Variants in ATXN1 observed in about 807,000 individuals in gnomAD.
The protein encoded by ATXN1 is ataxin 1.
A neutral mutation model predicts 56.4 loss-of-function variants in ATXN1; 8 were observed. That is an observed-to-expected ratio of 0.14 (90% CI 0.08 to 0.26). ATXN1 has a LOEUF of 0.26. Among genes scored for constraint, ATXN1 ranks in the 10% least tolerant of loss-of-function variants. The pLI is 1.00. For synonymous variants in ATXN1, 514 were observed against 494.6 expected, an observed-to-expected ratio of 1.04 and a Z score of -0.52; for missense variants, 987 against 1,106.5, an observed-to-expected ratio of 0.89 and a Z score of 1.53.
At chr6:16,395,827 C>A (rs1758444412) in intron 6 of ATXN1, among the ~76,000 whole-genome samples, 1 of 151,732 alleles carries the variant, frequency 6.6e-6, no homozygotes, top group Admixed American at 6.6e-5. Context: ...ACCATCCTGG[C>A]CAACATGGTG....
At chr6:16,324,182 CTGTAA>C (rs1326676366) in intron 7 of ATXN1, among the ~76,000 whole-genome samples, 1 of 152,148 alleles carries the variant, frequency 6.6e-6, no homozygotes, top group Non-Finnish European at 1.5e-5. Flanking sequence ...GGACTCGTGT[CTGTAA>C]TCTCAGGGCT....
intron 7 of ATXN1, among the ~76,000 whole-genome samples, chr6:16,308,471 G>C (rs1364063637): frequency 1.3e-5 from 2 of 152,194 alleles, no homozygotes; most frequent in Admixed American, 1.3e-4. Context: ...AAGTGGAGCA[G>C]TTGGGAAACC....
intron 5 of ATXN1, among the ~76,000 whole-genome samples, chr6:16,492,149 A>G (rs1760678309): frequency 6.6e-6 from 1 of 152,110 alleles, no homozygotes; most frequent in Admixed American, 6.5e-5. Flanking sequence ...AATTCAACTA[A>G]GCCATGCCTG....
chr6:16,532,311 C>T (rs748646994), intron 4 of ATXN1, among the ~76,000 whole-genome samples: 1 of 152,188 alleles, frequency 6.6e-6, no homozygotes, highest in Non-Finnish European at 1.5e-5. Context: ...TCTGCAGCAT[C>T]CACCACTGAA....
rs1354051414 is a variant in ATXN1 at position 16,306,582 on chromosome 6, T to C, written c.2195A>G (p.Gln732Arg). 4 of 1,614,218 alleles carry C rather than the reference T, an allele frequency of 2.5e-6. No individual in the cohort carries two copies. The change falls in exon 8 of 8, where the codon CAG becomes CGG. Residue 732 changes from glutamine (Q) to arginine (R), a missense_variant. By Grantham distance (43) the Gln-to-Arg change is conservative. Coordinates refer to ENST00000436367, the MANE Select transcript of ATXN1 (RefSeq NM_001128164.2). This position sits in a 1 kb window ranked among gnomAD's most constrained non-coding sequence, Gnocchi z 5.2. ...CTCAGAGAGCATCTGGGCACTCCCC[T>C]GGTTGATTCCGTTTTCCTGCTCGGC... Reference protein sequence around the residue: ...RYAEQENGINQGSAQMLSENG... With the variant: ...RYAEQENGINRGSAQMLSENG...
intron 2 of ATXN1, among the ~76,000 whole-genome samples, chr6:16,686,399 T>C (rs1346166883): frequency 1.3e-5 from 2 of 152,176 alleles, no homozygotes; most frequent in African/African-American, 4.8e-5. Context: ...CTGTCCTAAT[T>C]AAGACCAATA....
chr6:16,557,153 C>T (rs1581842629), intron 4 of ATXN1, among the ~76,000 whole-genome samples: 1 of 151,698 alleles, frequency 6.6e-6, no homozygotes, highest in Admixed American at 6.6e-5. Context: ...GGTAAAACGC[C>T]GTCTCTACTA....
chr6:16,380,068 G>T (rs917228589), intron 6 of ATXN1, among the ~76,000 whole-genome samples: 5 of 152,206 alleles, frequency 3.3e-5, no homozygotes, highest in African/African-American at 4.8e-5. Flanking sequence ...CAACATGCCA[G>T]CGGGTACTTC....
chr6:16,599,943 G>A (rs1449677343), intron 3 of ATXN1, among the ~76,000 whole-genome samples: 1 of 152,182 alleles, frequency 6.6e-6, no homozygotes, highest in Non-Finnish European at 1.5e-5. Flanking sequence ...TGTTATGAGA[G>A]TGTTTCACTT....
chr6:16,688,316 C>A (rs1208365635), intron 2 of ATXN1, among the ~76,000 whole-genome samples: 5 of 152,178 alleles, frequency 3.3e-5, no homozygotes, highest in Admixed American at 1.3e-4. Context: ...ATTGAGAAAA[C>A]ACACTTGATA....
At chr6:16,436,399 G>T (rs1051388248) in intron 6 of ATXN1, among the ~76,000 whole-genome samples, 5 of 152,126 alleles carry the variant, frequency 3.3e-5, no homozygotes, top group African/African-American at 9.7e-5. Flanking sequence ...GGAAATAAAA[G>T]ATTTATAATG....
chr6:16,637,594 T>C (rs1763623574), intron 3 of ATXN1, among the ~76,000 whole-genome samples: 1 of 152,196 alleles, frequency 6.6e-6, no homozygotes, highest in Admixed American at 6.5e-5. Flanking sequence ...GAGTCACCTA[T>C]AACAAGTGAA....
chr6:16,440,649 A>AAAAAGAAAAAAAAAAAG (rs56105499), intron 6 of ATXN1, among the ~76,000 whole-genome samples: 2 of 113,660 alleles, frequency 1.8e-5, no homozygotes, highest in Non-Finnish European at 3.5e-5. Context: ...TTAAAAAAAA[A>AAAAAGAAAAAAAAAAAG]AAAGAAAAGA....
At chr6:16,546,418 G>A (rs925215198) in intron 4 of ATXN1, among the ~76,000 whole-genome samples, 3 of 152,080 alleles carry the variant, frequency 2.0e-5, no homozygotes, top group African/African-American at 7.2e-5. Context: ...TGTCACCTGG[G>A]GCCAGGTGTG....
At chr6:16,422,797 A>G (rs1759063860) in intron 6 of ATXN1, among the ~76,000 whole-genome samples, 1 of 152,208 alleles carries the variant, frequency 6.6e-6, no homozygotes, top group Non-Finnish European at 1.5e-5. Flanking sequence ...TCACCCACAG[A>G]GAGATGTTTC....
chr6:16,613,784 G>A (rs1763157327), intron 3 of ATXN1, among the ~76,000 whole-genome samples: 1 of 151,998 alleles, frequency 6.6e-6, no homozygotes, highest in Admixed American at 6.6e-5. Context: ...AGCTATGACT[G>A]CACCACTGCA....
In ATXN1 at chr6:16,760,958, C is replaced by A. The variant is rs1402009481; in HGVS notation, c.-730+340G>T. On this transcript the variant is annotated intron_variant, in intron 1 of 7. Transcript: ENST00000436367. The surrounding 1 kb of genome is among the most constrained non-coding windows in gnomAD (Gnocchi z 5.3). ...CGCCCGGGCGCGCCCCCTAGCCCGG[C>A]GGGCGCCCACCCAGCCCCTGACAGC... 6.7e-6 allele frequency among the ~76,000 whole-genome samples: 1 copy of A among 148,966 alleles called. No homozygotes were observed. The highest frequency in any genetic ancestry group is 1.5e-5 in the Non-Finnish European group (1 of 66,878).
At position 16,327,819 on chromosome 6, in the gene ATXN1, C is replaced by T. The variant is rs756813743; in HGVS notation, c.492G>A (p.Gly164=). ...PVTSAVASAA[G]ATTPSQRSQL... ...GGGAGCGCTGGGATGGAGTGGTGGC[C>T]CCTGCGGCCGAGGCCACTGCACTGG... The change falls in exon 7 of 8, where the codon GGG becomes GGA. Residue 164 remains glycine, a synonymous_variant. Coordinates refer to ENST00000436367, the MANE Select transcript of ATXN1 (RefSeq NM_001128164.2). 1.2e-6 allele frequency: 2 copies of T among 1,609,052 alleles called. No homozygotes were observed. The highest frequency in any genetic ancestry group is 2.2e-5 in the South Asian group (2 of 91,064).
rs755173014 is a variant in ATXN1 at position 16,328,215 on chromosome 6, G to A, written c.96C>T (p.Thr32=). The stretch of plus-strand genomic sequence containing the variant: ...CCACCCGGTGGTTGTCGCTGGGCAG[G>A]GTAGGGGCCTTCTCCTCGGAGGACC... The part of the protein sequence containing the change: ...TSRSSEEKAP[T]LPSDNHRVEG... Residue 32 remains threonine, a synonymous_variant, in exon 7 of 8, where the codon ACC becomes ACT. Transcript: ENST00000436367. The surrounding 1 kb of genome is among the most constrained non-coding windows in gnomAD (Gnocchi z 6.2). The A allele has an allele frequency of 6.3e-7, 1 of 1,591,960 alleles. No individual in the cohort carries two copies. The highest frequency in any genetic ancestry group is 8.6e-7 in the Non-Finnish European group (1 of 1,166,782).
Sources: gnomAD v4.1 joint callset for allele counts (sites outside exome capture counted in the v4.1 genomes callset) on GRCh38, gnomAD v4.1.1 for gene constraint, Gnocchi (gnomAD v3.1) non-coding constraint, MANE v1.5 for transcripts, NCBI Gene and HGNC (gene_info 2026-07-23, HGNC 2026-07-21) for gene names.